Variants in RCAN1 observed in about 807,000 individuals in gnomAD.
RCAN1 encodes the protein regulator of calcineurin 1.
A neutral mutation model predicts 22.9 loss-of-function variants in RCAN1; 11 were observed. The observed-to-expected ratio is 0.48, with a 90% CI of 0.30 to 0.79. RCAN1 has a LOEUF of 0.79. Ranked by LOEUF, RCAN1 falls within the 30% of genes least tolerant of loss-of-function variation. RCAN1 has a pLI of 0.06. For synonymous variants in RCAN1, 136 were observed against 142.3 expected (o/e 0.96, Z 0.32); for missense variants, 291 against 337.8 (o/e 0.86, Z 1.09).
chr21:34,518,076 G>C lies in RCAN1; in HGVS notation c.*8C>G, dbSNP rs758710708. On this transcript the variant is annotated 3_prime_UTR_variant, in exon 4 of 4. Transcript: ENST00000313806. The surrounding 1 kb of genome is among the most constrained non-coding windows in gnomAD (Gnocchi z 4.2). ...ATGATTTGGAATGCGTCCTCGTCGCGTGCCAGTTCAGCTGAGGTGGATCGG... is the reference window on the plus strand; with the variant it reads ...ATGATTTGGAATGCGTCCTCGTCGCCTGCCAGTTCAGCTGAGGTGGATCGG... 1.2e-6 allele frequency: 2 copies of C among 1,614,030 alleles called. No homozygotes were observed. The highest frequency in any genetic ancestry group is 1.7e-6 in the Non-Finnish European group (2 of 1,179,974).
At chr21:34,520,829 T>C (rs1984456131) in intron 3 of RCAN1, among the ~76,000 whole-genome samples, 1 of 152,238 alleles carries the variant, frequency 6.6e-6, no homozygotes, top group African/African-American at 2.4e-5. Context: ...GATGATCTCA[T>C]CTACTGCTCA....
rs73352097 is a variant in RCAN1 at position 34,582,154 on chromosome 21, C to T, written c.252+32606G>A. On this transcript the variant is annotated intron_variant, in intron 1 of 3. Coordinates refer to ENST00000313806, the MANE Select transcript of RCAN1 (RefSeq NM_004414.7). ...TGACACCACGGACTCACTTGAGCCA[C>T]AGAATGTCATTTATCAATTTAATAC... Among the ~76,000 whole-genome samples the T allele has an allele frequency of 5.4e-3, 817 of 152,288 alleles. 6 individuals carry two copies. The highest frequency in any genetic ancestry group is 0.019 in the African/African-American group (780 of 41,548).
In RCAN1 at chr21:34,614,780, A is replaced by C. The variant is rs1161078214; in HGVS notation, c.232T>G (p.Phe78Val). 1 of 1,463,258 alleles carries C rather than the reference A, an allele frequency of 6.8e-7. No individual in the cohort carries two copies. The highest frequency in any genetic ancestry group is 1.5e-5 in the African/African-American group (1 of 67,328). The allele number at this position is 1,463,258 out of a possible 1,614,324, so 90.6% of individuals were successfully genotyped here. A position where few individuals can be genotyped will look rare whatever the true frequency, so the allele number is the denominator to read the frequency against. The change falls in exon 1 of 4, where the codon TTC (phenylalanine) becomes GTC (valine). Residue 78 changes from phenylalanine (F) to valine (V), a missense_variant. Transcript: ENST00000313806. The surrounding 1 kb of genome is among the most constrained non-coding windows in gnomAD (Gnocchi z 6.0). ...TIACHLDPRV[F>V]VDGLCRAKFE... is the part of the protein sequence containing the mutation. The stretch of plus-strand genomic sequence containing the variant: ...CTCACCCGGCACAGGCCGTCCACGA[A>C]CACGCGCGGGTCCAGGTGACAGGCG...
At chr21:34,534,740 A>T (rs1470452586) in intron 1 of RCAN1, among the ~76,000 whole-genome samples, 1 of 152,160 alleles carries the variant, frequency 6.6e-6, no homozygotes, top group Non-Finnish European at 1.5e-5. Context: ...TAGGGTTGTG[A>T]TGACATTTCT....
At chr21:34,613,217 C>T (rs182538122) in intron 1 of RCAN1, among the ~76,000 whole-genome samples, 195 of 152,120 alleles carry the variant, frequency 1.3e-3, no homozygotes, top group African/African-American at 4.4e-3. Context: ...AGCAATCTCC[C>T]CTCCACTCCC....
intron 3 of RCAN1, among the ~76,000 whole-genome samples, chr21:34,519,358 A>AATTCT (rs1555853451): frequency 2.3e-5 from 3 of 132,598 alleles, no homozygotes; most frequent in African/African-American, 5.6e-5. Context: ...TGTGCTTGGG[A>AATTCT]TTTCTTTTCT....
chr21:34,544,140 GTGGTAGGCTGA>G (rs1986035929), intron 1 of RCAN1, among the ~76,000 whole-genome samples: 3 of 152,232 alleles, frequency 2.0e-5, no homozygotes, highest in Non-Finnish European at 4.4e-5. Flanking sequence ...CCTACCTATT[GTGGTAGGCTGA>G]ATTCTCAAAT....
intron 1 of RCAN1, among the ~76,000 whole-genome samples, chr21:34,553,129 A>G (rs1986429246): frequency 6.6e-6 from 1 of 152,222 alleles, no homozygotes; most frequent in African/African-American, 2.4e-5. Flanking sequence ...AGAAACAGAC[A>G]GATGCCACAT....
At chr21:34,577,758 G>T (rs773362954) in intron 1 of RCAN1, among the ~76,000 whole-genome samples, 1 of 152,200 alleles carries the variant, frequency 6.6e-6, no homozygotes, top group Admixed American at 6.5e-5. Context: ...TCCTGAGCAC[G>T]GGAGAGTGGA....
intron 1 of RCAN1, among the ~76,000 whole-genome samples, chr21:34,563,369 C>CT (rs1347790148): frequency 6.6e-6 from 1 of 152,058 alleles, no homozygotes; most frequent in East Asian, 1.9e-4. Flanking sequence ...GTTGGTAATT[C>CT]CATTTGGGGA....
intron 2 of RCAN1, 69 bp downstream of exon 2, chr21:34,523,468 G>C: frequency 6.7e-7 from 1 of 1,491,694 alleles, no homozygotes. Flanking sequence ...CATAAGCAAC[G>C]TATAAGCTGC....
At chr21:34,558,993 C>T (rs950927288) in intron 1 of RCAN1, among the ~76,000 whole-genome samples, 12 of 152,154 alleles carry the variant, frequency 7.9e-5, no homozygotes, top group Non-Finnish European at 1.6e-4. Flanking sequence ...AATATCTATG[C>T]TAATGGAATA....
chr21:34,585,551 G>C (rs547666251), intron 1 of RCAN1, among the ~76,000 whole-genome samples: 10 of 152,154 alleles, frequency 6.6e-5, no homozygotes, highest in African/African-American at 2.4e-4. Flanking sequence ...AGACCATCCT[G>C]GCTAACACGG....
intron 1 of RCAN1, among the ~76,000 whole-genome samples, chr21:34,576,920 G>A (rs1002912993): frequency 3.9e-5 from 6 of 152,212 alleles, no homozygotes; most frequent in Non-Finnish European, 7.3e-5. Context: ...CAATGACTGT[G>A]CTAGGAGCTG....
chr21:34,583,177 CCTT>C (rs1987679277), intron 1 of RCAN1, among the ~76,000 whole-genome samples: 2 of 107,034 alleles, frequency 1.9e-5, no homozygotes, highest in Admixed American at 1.1e-4. Context: ...GGCGATAGGG[CCTT>C]TTTTTTTTTT....
At chr21:34,540,679 G>T (rs1439564965) in intron 1 of RCAN1, among the ~76,000 whole-genome samples, 1 of 152,242 alleles carries the variant, frequency 6.6e-6, no homozygotes, top group South Asian at 2.1e-4. Context: ...GGAAGGTATG[G>T]TTATTCCTTC....
chr21:34,546,979 C>T (rs1008572329), intron 1 of RCAN1, among the ~76,000 whole-genome samples: 2 of 152,136 alleles, frequency 1.3e-5, no homozygotes, highest in East Asian at 1.9e-4. Flanking sequence ...ATAATACCTA[C>T]GTGAATAAAT....
In RCAN1 at chr21:34,562,824, A is replaced by G. The variant is rs181379413; in HGVS notation, c.253-39114T>C. ...TCAATGAGATAGGTGTAAAATGCTC[A>G]TGGTACCCAGTGATATTATAATAAC... On this transcript the variant is annotated intron_variant, in intron 1 of 3. Coordinates refer to ENST00000313806, the MANE Select transcript of RCAN1 (RefSeq NM_004414.7). 3.2e-3 allele frequency among the ~76,000 whole-genome samples: 482 copies of G among 152,322 alleles called. 3 individuals are homozygous for G. The highest frequency in any genetic ancestry group is 0.011 in the African/African-American group (458 of 41,556).
At position 34,614,934 on chromosome 21, in the gene RCAN1, G is replaced by A. The variant is rs963897537; in HGVS notation, c.78C>T (p.Pro26=). 13 of 1,300,584 alleles carry A rather than the reference G, an allele frequency of 1.0e-5. No individual in the cohort carries two copies. The highest frequency in any genetic ancestry group is 1.7e-5 in the South Asian group (1 of 57,932). The allele number at this position is 1,300,584 out of a possible 1,614,324, so 80.6% of individuals were successfully genotyped here. ...AAEAAEARAR[P]GVTLRPFAPL... The stretch of plus-strand genomic sequence containing the variant: ...GCGCGAAGGGCCGCAGCGTCACCCC[G>A]GGCCGCGCTCGCGCCTCGGCCGCCT... The change falls in exon 1 of 4, where the codon CCC becomes CCT. Residue 26 remains proline, a synonymous_variant. Coordinates refer to ENST00000313806, the MANE Select transcript of RCAN1 (RefSeq NM_004414.7). The surrounding 1 kb of genome is among the most constrained non-coding windows in gnomAD (Gnocchi z 6.0).
Sources: gnomAD v4.1 joint callset for allele counts (sites outside exome capture counted in the v4.1 genomes callset) on GRCh38, gnomAD v4.1.1 for gene constraint, Gnocchi (gnomAD v3.1) non-coding constraint, MANE v1.5 for transcripts, NCBI Gene and HGNC (gene_info 2026-07-23, HGNC 2026-07-21) for gene names.